The following PMEPA1 variants were observed in gnomAD, a reference collection of about 807,000 sequenced individuals.
PMEPA1 encodes the protein prostate transmembrane protein, androgen induced 1.
PMEPA1 carries 11 observed loss-of-function variants against 23.0 expected under a neutral mutation model. The ratio of observed to expected loss-of-function variants is 0.48; its 90% CI spans 0.30 to 0.79. The LOEUF (loss-of-function observed/expected upper bound fraction) is 0.79, where lower values mean the gene tolerates loss of function less well. Among genes scored for constraint, PMEPA1 ranks in the 30% least tolerant of loss-of-function variants. PMEPA1 has a pLI of 0.06. For missense variants in PMEPA1, 377 were observed against 390.9 expected (o/e 0.96, Z 0.30); for synonymous variants, 204 against 166.4 (o/e 1.23, Z -1.74).
rs1245691784 is a variant in PMEPA1, at chr20:57,651,521, T to C, written c.*532A>G. 6.6e-6 allele frequency: 1 copy of C among 152,606 alleles called. No individual in the cohort carries two copies. The highest frequency in any genetic ancestry group is 1.5e-5 in the Non-Finnish European group (1 of 68,038). 9.5% of individuals were successfully genotyped at this position (152,606 alleles called of 1,614,324 possible). A position where few individuals can be genotyped will look rare whatever the true frequency, so the allele number is the denominator to read the frequency against. On this transcript the variant is annotated 3_prime_UTR_variant, in exon 4 of 4. Transcript: ENST00000341744. ...TACAAGGTAATACACACTTTCTGAC[T>C]TGGCACTCAAAAATTGCCATTTTTT...
chr20:57,672,665 A>T (rs113143596), intron 1 of PMEPA1, among the ~76,000 whole-genome samples: 2,667 of 152,200 alleles, frequency 0.018, 99 homozygotes, highest in African/African-American at 0.062. Flanking sequence ...AGAGGCAGGG[A>T]GGTGGGCAGA....
intron 1 of PMEPA1, among the ~76,000 whole-genome samples, chr20:57,695,771 T>C (rs2071936024): frequency 6.6e-6 from 1 of 152,184 alleles, no homozygotes; most frequent in Non-Finnish European, 1.5e-5. Flanking sequence ...ATCTGCAAGC[T>C]TGGGGCTGAG....
At chr20:57,686,248 G>C (rs1054382571) in intron 1 of PMEPA1, among the ~76,000 whole-genome samples, 2 of 152,216 alleles carry the variant, frequency 1.3e-5, no homozygotes, top group Non-Finnish European at 2.9e-5. Context: ...CCAATCTAGA[G>C]AAAGACCTGC....
At chr20:57,691,513 C>T (rs1311352984) in intron 1 of PMEPA1, among the ~76,000 whole-genome samples, 1 of 152,160 alleles carries the variant, frequency 6.6e-6, no homozygotes, top group Non-Finnish European at 1.5e-5. Flanking sequence ...GGGACAGGCA[C>T]CACTGGCACC....
Position 57,652,473 on chromosome 20 carries a change from G to A in PMEPA1, c.444C>T (p.Pro148=), listed in dbSNP as rs2146633857. 6.2e-7 allele frequency: 1 copy of A among 1,611,292 alleles called. No individual in the cohort carries two copies. ...PYLQHEIDLP[P]TISLSDGEEP... The stretch of plus-strand genomic sequence containing the variant: ...CCTCCCCGTCTGACAGCGAGATGGT[G>A]GGTGGCAGGTCGATCTCGTGCTGCA... The change falls in exon 4 of 4, where the codon CCC becomes CCT. Residue 148 remains proline, a synonymous_variant. Coordinates refer to ENST00000341744, the MANE Select transcript of PMEPA1 (RefSeq NM_020182.5). The surrounding 1 kb of genome is among the most constrained non-coding windows in gnomAD (Gnocchi z 6.1).
chr20:57,688,332 G>A (rs1288852218), intron 1 of PMEPA1, among the ~76,000 whole-genome samples: 1 of 139,088 alleles, frequency 7.2e-6, no homozygotes, highest in Non-Finnish European at 1.5e-5. Flanking sequence ...CTGACCTTAG[G>A]AAGGAGACAC....
At chr20:57,711,249 G>A (rs2072177065), upstream of PMEPA1, 1 of 152,220 alleles carries the variant, frequency 6.6e-6, no homozygotes, top group Non-Finnish European at 1.5e-5. Context: ...TATTGTTACT[G>A]TGTTTGTAAC....
chr20:57,664,321 G>A (rs941650042), intron 1 of PMEPA1, among the ~76,000 whole-genome samples: 2 of 152,146 alleles, frequency 1.3e-5, no homozygotes, highest in African/African-American at 2.4e-5. Context: ...GGGCCTCTAC[G>A]ACGCACTGAT....
intron 1 of PMEPA1, among the ~76,000 whole-genome samples, chr20:57,692,882 T>C (rs989223633): frequency 6.6e-6 from 1 of 152,232 alleles, no homozygotes; most frequent in Non-Finnish European, 1.5e-5. Context: ...GTAATAGGAC[T>C]ATTTTCCATC....
chr20:57,710,433 G>C (rs562922483), upstream of PMEPA1: 16 of 1,599,934 alleles, frequency 1.0e-5, no homozygotes, highest in South Asian at 1.3e-4. Flanking sequence ...TTGGAGAAAG[G>C]GGGAGGAAGC....
chr20:57,703,168 G>C (rs186046650), intron 1 of PMEPA1, among the ~76,000 whole-genome samples: 32 of 152,368 alleles, frequency 2.1e-4, no homozygotes, highest in Admixed American at 2.0e-3. Flanking sequence ...GCCCACCCTG[G>C]GGAGAAGGCA....
intron 1 of PMEPA1, among the ~76,000 whole-genome samples, chr20:57,675,654 C>T (rs948282796): frequency 2.6e-5 from 4 of 152,298 alleles, no homozygotes; most frequent in Middle Eastern, 3.4e-3. Context: ...CCGGGCCCAG[C>T]GGCAGCTTGA....
At chr20:57,659,905 G>A (rs1001671807) in intron 1 of PMEPA1, among the ~76,000 whole-genome samples, 1 of 152,244 alleles carries the variant, frequency 6.6e-6, no homozygotes, top group African/African-American at 2.4e-5. Flanking sequence ...GCGGAGGAGG[G>A]GGTACTGCTG....
chr20:57,683,677 ATGACTG>A lies in PMEPA1; in HGVS notation c.110-23986_110-23981del, dbSNP rs2071758499. Among the ~76,000 whole-genome samples, 2 of 151,952 alleles carry A rather than the reference ATGACTG, an allele frequency of 1.3e-5. No individual in the cohort carries two copies. Among genetic ancestry groups the A allele is most frequent in the African/African-American group, 4.8e-5 (2 of 41,342 alleles). On this transcript the variant is annotated intron_variant, in intron 1 of 3. Coordinates refer to ENST00000341744, the MANE Select transcript of PMEPA1 (RefSeq NM_020182.5). This position sits in a 1 kb window ranked among gnomAD's most constrained non-coding sequence, Gnocchi z 4.3. ...ATGAGAGAGCAGAAAGAACCCCCGA[ATGACTG>A]TATAACTTGAAATATTACAAGCACA...
At chr20:57,689,821 C>T (rs1353132735) in intron 1 of PMEPA1, among the ~76,000 whole-genome samples, 2 of 152,150 alleles carry the variant, frequency 1.3e-5, no homozygotes, top group Admixed American at 6.5e-5. Flanking sequence ...GCCTTTCAGA[C>T]GTGTTTGACC....
At chr20:57,693,180 C>T (rs2146700292) in intron 1 of PMEPA1, among the ~76,000 whole-genome samples, 1 of 152,318 alleles carries the variant, frequency 6.6e-6, no homozygotes, top group South Asian at 2.1e-4. Flanking sequence ...TCTCACATTC[C>T]AGCCGACCTG....
chr20:57,702,499 G>A (rs951927823), intron 1 of PMEPA1, among the ~76,000 whole-genome samples: 5 of 152,194 alleles, frequency 3.3e-5, no homozygotes, highest in South Asian at 4.1e-4. Context: ...TGGCCAATTC[G>A]TATGTGTTCT....
At chr20:57,657,546 T>C (rs915330682) in intron 2 of PMEPA1, among the ~76,000 whole-genome samples, 3 of 152,214 alleles carry the variant, frequency 2.0e-5, no homozygotes, top group Admixed American at 1.3e-4. Flanking sequence ...ACGTCGGGGC[T>C]TGAGAGCAGC....
Position 57,652,556 on chromosome 20 carries a change from C to A in PMEPA1, c.361G>T (p.Val121Leu). ...CGCTCCCGCTGGGCGAAGGGCGGCA[C>A]GGCCAGGCGGTCGGTGGGCCGAGGC... ...APPRPTDRLAVPPFAQRERFH... is the reference protein window; with the variant it reads ...APPRPTDRLALPPFAQRERFH... Residue 121 changes from valine to leucine, a missense_variant, in exon 4 of 4, where the codon GTG becomes TTG. Around this residue, in one of 3 missense-constraint regions of PMEPA1, gnomAD observed 198 missense variants for 196.3 expected, o/e 1.01. Coordinates refer to ENST00000341744, the MANE Select transcript of PMEPA1 (RefSeq NM_020182.5). The surrounding 1 kb of genome is among the most constrained non-coding windows in gnomAD (Gnocchi z 6.1). 2.0e-6 allele frequency: 3 copies of A among 1,526,912 alleles called. No homozygotes were observed. The highest frequency in any genetic ancestry group is 2.6e-6 in the Non-Finnish European group (3 of 1,137,088). The allele number at this position is 1,526,912 out of a possible 1,614,324, so 94.6% of individuals were successfully genotyped here. A position where few individuals can be genotyped will look rare whatever the true frequency, so the allele number is the denominator to read the frequency against.
Sources: gnomAD v4.1 joint callset for allele counts (sites outside exome capture counted in the v4.1 genomes callset) on GRCh38, gnomAD v4.1.1 for gene constraint, gnomAD v4.1.1 regional missense constraint, Gnocchi (gnomAD v3.1) non-coding constraint, MANE v1.5 for transcripts, NCBI Gene and HGNC (gene_info 2026-07-23, HGNC 2026-07-21) for gene names.